The following SLC23A2 variants were observed in gnomAD, a reference collection of about 807,000 sequenced individuals.
SLC23A2 encodes solute carrier family 23 member 2.
A neutral mutation model predicts 73.3 loss-of-function variants in SLC23A2; 36 were observed. The ratio of observed to expected loss-of-function variants is 0.49; its 90% CI spans 0.38 to 0.65. The LOEUF (loss-of-function observed/expected upper bound fraction) is 0.65, where lower values mean the gene tolerates loss of function less well. SLC23A2 is among the 30% of genes least tolerant of loss of function. SLC23A2 has a pLI of 0.00. For synonymous variants in SLC23A2, 343 were observed against 327.3 expected, an observed-to-expected ratio of 1.05 and a Z score of -0.52; for missense variants, 507 against 841.6, an observed-to-expected ratio of 0.60 and a Z score of 4.92.
At position 4,899,865 on chromosome 20, in the gene SLC23A2, T is replaced by G. The variant is rs1931682502; in HGVS notation, c.325-153A>C. 6.6e-6 allele frequency among the ~76,000 whole-genome samples: 1 copy of G among 152,200 alleles called. No individual in the cohort carries two copies. Among genetic ancestry groups the G allele is most frequent in the Admixed American group, 6.5e-5 (1 of 15,280 alleles). On this transcript the variant is annotated intron_variant, in intron 5 of 16. Transcript: ENST00000338244. The surrounding 1 kb of genome is among the most constrained non-coding windows in gnomAD (Gnocchi z 4.9). ...GACCAAGCCATACTTTTTTCCTTCT[T>G]TTTCAGTATTTCTCCTTTGTTGTTA...
At chr20:4,951,388 T>A (rs1398572603) in intron 2 of SLC23A2, among the ~76,000 whole-genome samples, 3 of 152,016 alleles carry the variant, frequency 2.0e-5, no homozygotes, top group Non-Finnish European at 4.4e-5. Context: ...GTGACAGACC[T>A]GAGAAACTCT....
chr20:4,957,865 C>A (rs1420386760), intron 2 of SLC23A2, among the ~76,000 whole-genome samples: 2 of 148,374 alleles, frequency 1.3e-5, no homozygotes, highest in South Asian at 4.2e-4. Context: ...CGTCCCACTG[C>A]ACTCCAGCCT....
intron 3 of SLC23A2, among the ~76,000 whole-genome samples, chr20:4,919,592 G>T (rs1278349429): frequency 6.6e-6 from 1 of 152,196 alleles, no homozygotes; most frequent in East Asian, 1.9e-4. Context: ...AGGTGGTGCT[G>T]GTGACTGCTA....
chr20:4,971,825 A>T (rs1019646545), intron 1 of SLC23A2, among the ~76,000 whole-genome samples: 1 of 151,952 alleles, frequency 6.6e-6, no homozygotes, highest in African/African-American at 2.4e-5. Flanking sequence ...CTCAGTTGGG[A>T]TTTCTCCATT....
At position 4,867,057 on chromosome 20, in the gene SLC23A2, T is replaced by TAAAA. The variant is rs71197732; in HGVS notation, c.1356+709_1356+712dup. On this transcript the variant is annotated intron_variant, in intron 13 of 16. Transcript: ENST00000338244. ...TCATCACTGCAGTCAAAGCGATCCCTAAAAAAAAAAAAAAAAAAAAAAAAA... is the reference window on the plus strand; with the variant it reads ...TCATCACTGCAGTCAAAGCGATCCCTAAAAAAAAAAAAAAAAAAAAAAAAAAAAA... Among the ~76,000 whole-genome samples, 91 of 76,476 alleles carry TAAAA rather than the reference T, an allele frequency of 1.2e-3. 1 individual carries two copies. Among genetic ancestry groups the TAAAA allele is most frequent in the East Asian group, 2.4e-3 (6 of 2,476 alleles). 50.2% of individuals were successfully genotyped at this position (76,476 alleles called of 152,430 possible).
chr20:4,862,634 T>G lies in SLC23A2; in HGVS notation c.1486+144A>C. On this transcript the variant is annotated intron_variant, in intron 14 of 16. Transcript: ENST00000338244. The surrounding 1 kb of genome is among the most constrained non-coding windows in gnomAD (Gnocchi z 5.1). Reference sequence around the variant, plus strand: ...AATTCAACTCAGAGAGTGATAAAAGTTTTCATTTTTTGAAGGCATATCCTT... The same window carrying G: ...AATTCAACTCAGAGAGTGATAAAAGGTTTCATTTTTTGAAGGCATATCCTT... 2.9e-6 allele frequency: 2 copies of G among 681,754 alleles called. No individual in the cohort carries two copies. Among genetic ancestry groups the G allele is most frequent in the Non-Finnish European group, 4.9e-6 (2 of 411,048 alleles). The allele number at this position is 681,754 out of a possible 1,614,324, so 42.2% of individuals were successfully genotyped here.
rs1369508766 is a variant in SLC23A2 at position 4,902,256 on chromosome 20, A to C, written c.324+186T>G. Among the ~76,000 whole-genome samples, 1 of 152,192 alleles carries C rather than the reference A, an allele frequency of 6.6e-6. No homozygotes were observed. The highest frequency in any genetic ancestry group is 1.5e-5 in the Non-Finnish European group (1 of 68,030). The stretch of plus-strand genomic sequence containing the variant: ...TAGGCTCCAGTGATCTGCCCACCTC[A>C]GCCTCCAAAACTGCTAGGATTACAG... On this transcript the variant is annotated intron_variant, in intron 5 of 16. Transcript: ENST00000338244. This position sits in a 1 kb window ranked among gnomAD's most constrained non-coding sequence, Gnocchi z 4.0.
chr20:4,869,726 T>C (rs1402546148), intron 12 of SLC23A2, 180 bp downstream of exon 12: 3 of 521,738 alleles, frequency 5.8e-6, no homozygotes, highest in South Asian at 3.3e-5. Context: ...ACAAAGGCAG[T>C]GGTGTATCAG....
In SLC23A2 at chr20:4,998,996, G is replaced by A. The variant is rs1298772867; in HGVS notation, c.-282+2410C>T. ...ACTTTTGTATTTTTAGTAGAGACGA[G>A]GTTTCACCATGGTGGCCAGGCTGCT... is the stretch of plus-strand genomic sequence containing the variant. On this transcript the variant is annotated intron_variant, in intron 1 of 16. Transcript: ENST00000338244. The surrounding 1 kb of genome is among the most constrained non-coding windows in gnomAD (Gnocchi z 4.1). Among the ~76,000 whole-genome samples, 1 of 152,056 alleles carries A rather than the reference G, an allele frequency of 6.6e-6. No individual in the cohort carries two copies. Among genetic ancestry groups the A allele is most frequent in the Admixed American group, 6.6e-5 (1 of 15,252 alleles).
At chr20:4,972,980 A>C (rs1352532787) in intron 1 of SLC23A2, among the ~76,000 whole-genome samples, 1 of 152,236 alleles carries the variant, frequency 6.6e-6, no homozygotes, top group African/African-American at 2.4e-5. Context: ...AAAGAACATG[A>C]GAAAAGAAAA....
intron 2 of SLC23A2, among the ~76,000 whole-genome samples, chr20:4,939,590 C>T (rs118095528): frequency 0.016 from 2,463 of 152,274 alleles, 34 homozygotes; most frequent in Middle Eastern, 0.048. Context: ...GCTAGCTAGC[C>T]ACCATCTGGC....
At chr20:4,860,809 T>C (rs141224182) in intron 15 of SLC23A2, among the ~76,000 whole-genome samples, 6 of 152,148 alleles carry the variant, frequency 3.9e-5, no homozygotes, top group Non-Finnish European at 7.4e-5. Flanking sequence ...GGGAGGCCAA[T>C]GCAGGTGGAT....
chr20:4,969,156 G>A (rs192845377), intron 2 of SLC23A2, among the ~76,000 whole-genome samples: 79 of 151,444 alleles, frequency 5.2e-4, no homozygotes, highest in Non-Finnish European at 8.8e-4. Context: ...GCACAATCTC[G>A]GCTCACTGCA....
chr20:4,939,290 A>G (rs914965492), intron 2 of SLC23A2, among the ~76,000 whole-genome samples: 2 of 152,216 alleles, frequency 1.3e-5, no homozygotes, highest in African/African-American at 4.8e-5. Flanking sequence ...GGCATGTGGT[A>G]TAATGTAAGA....
In SLC23A2 at chr20:4,935,186, C is replaced by CAAA. The variant is rs34200051; in HGVS notation, c.-154-2473_-154-2471dup. 7.7e-3 allele frequency among the ~76,000 whole-genome samples: 522 copies of CAAA among 67,536 alleles called. 15 individuals carry two copies. The East Asian group carries it at 0.085, about 11-fold the overall frequency. 44.3% of individuals were successfully genotyped at this position (67,536 alleles called of 152,430 possible). ...TGGGCGACAGAGCGAGACTCCGTCT[C>CAAA]AAAAAAAAAAAAAAAAAAAAAGAAA... On this transcript the variant is annotated intron_variant, in intron 2 of 16. Transcript: ENST00000338244.
At chr20:4,905,693 G>T (rs192650209) in intron 4 of SLC23A2, among the ~76,000 whole-genome samples, 1 of 152,142 alleles carries the variant, frequency 6.6e-6, no homozygotes, top group Non-Finnish European at 1.5e-5. Context: ...CTTTGGGGTC[G>T]ATTGTAGTCT....
chr20:4,952,804 C>T (rs2087222908), intron 2 of SLC23A2, among the ~76,000 whole-genome samples: 1 of 152,110 alleles, frequency 6.6e-6, no homozygotes, highest in South Asian at 2.1e-4. Context: ...GCAGGTGGAT[C>T]ACGAGGTCAG....
chr20:4,965,966 C>CAAAAA lies in SLC23A2; in HGVS notation c.-155+4822_-155+4826dup, dbSNP rs3055921. ...TGGGTGACTGAGTGAGACTCCATCTCAAAAAAAAAAAAAAAAAGGGAAGAT... is the reference window on the plus strand; with the variant it reads ...TGGGTGACTGAGTGAGACTCCATCTCAAAAAAAAAAAAAAAAAAAAAAGGGAAGAT... On this transcript the variant is annotated intron_variant, in intron 2 of 16. Coordinates refer to ENST00000338244, the MANE Select transcript of SLC23A2 (RefSeq NM_005116.6). Among the ~76,000 whole-genome samples the CAAAAA allele has an allele frequency of 1.9e-4, 19 of 100,034 alleles. 1 individual carries two copies. The highest frequency in any genetic ancestry group is 4.0e-4 in the African/African-American group (10 of 24,694). The allele number at this position is 100,034 out of a possible 152,430, so 65.6% of individuals were successfully genotyped here.
chr20:4,968,029 A>T (rs945744053), intron 2 of SLC23A2, among the ~76,000 whole-genome samples: 1 of 152,234 alleles, frequency 6.6e-6, no homozygotes, highest in African/African-American at 2.4e-5. Flanking sequence ...CAACCATCCA[A>T]CTAGATCCCT....
Sources: gnomAD v4.1 joint callset for allele counts (sites outside exome capture counted in the v4.1 genomes callset) on GRCh38, gnomAD v4.1.1 for gene constraint, Gnocchi (gnomAD v3.1) non-coding constraint, MANE v1.5 for transcripts, NCBI Gene and HGNC (gene_info 2026-07-23, HGNC 2026-07-21) for gene names.